TUT4: variants seen among roughly 807,000 people sequenced by gnomAD.
TUT4 encodes the protein terminal uridylyl transferase 4.
A neutral mutation model predicts 192.2 loss-of-function variants in TUT4; 36 were observed. The ratio of observed to expected loss-of-function variants is 0.19; its 90% CI spans 0.14 to 0.25. The LOEUF is 0.25. Ranked by LOEUF, TUT4 falls within the 10% of genes least tolerant of loss-of-function variation. The pLI, the probability that TUT4 is intolerant of heterozygous loss-of-function variation, is 1.00. For missense variants in TUT4, 1,493 were observed against 1,957.2 expected, an observed-to-expected ratio of 0.76 and a Z score of 4.47; for synonymous variants, 618 against 666.0, an observed-to-expected ratio of 0.93 and a Z score of 1.11.
In TUT4 at chr1:52,443,396, G is replaced by A. The variant is rs1158924016; in HGVS notation, c.3822+2391C>T. On this transcript the variant is annotated intron_variant, in intron 24 of 29. Transcript: ENST00000257177. Reference sequence around the variant, plus strand: ...CTGATTGGGAGTTCAACACCAACCTGACCAGCATGGTGAAACCCCGTCTCT... The same window carrying A: ...CTGATTGGGAGTTCAACACCAACCTAACCAGCATGGTGAAACCCCGTCTCT... Among the ~76,000 whole-genome samples, 4 of 151,558 alleles carry A rather than the reference G, an allele frequency of 2.6e-5. No individual in the cohort carries two copies. The East Asian group carries it at 7.7e-4, about 29-fold the overall frequency.
chr1:52,495,641 C>CAT, intron 5 of TUT4, 126 bp from the exon 6 acceptor site: 1 of 577,192 alleles, frequency 1.7e-6, no homozygotes, highest in South Asian at 2.7e-5. Context: ...GACAATTATA[C>CAT]AAGAAGAACA....
intron 20 of TUT4, 138 bp downstream of exon 20, chr1:52,458,198 T>C (rs1057134541): frequency 5.4e-6 from 3 of 556,334 alleles, no homozygotes; most frequent in African/African-American, 3.8e-5. Context: ...TGTTTAATTA[T>C]AGCATTAATG....
At chr1:52,497,229 A>G in intron 4 of TUT4, 46 bp from the exon 5 acceptor site, 1 of 1,502,046 alleles carries the variant, frequency 6.7e-7, no homozygotes, top group Non-Finnish European at 8.9e-7. Flanking sequence ...AAAAGTTTCT[A>G]TTTTAATTGT....
intron 28 of TUT4, among the ~76,000 whole-genome samples, chr1:52,427,042 A>C (rs897750608): frequency 1.3e-5 from 2 of 152,162 alleles, no homozygotes; most frequent in Non-Finnish European, 2.9e-5. Flanking sequence ...TTAGATAATA[A>C]TACTATATAA....
In TUT4 at chr1:52,425,477, A is replaced by G. The variant is rs1649551237; in HGVS notation, c.4742T>C (p.Ile1581Thr). 2 of 1,613,924 alleles carry G rather than the reference A, an allele frequency of 1.2e-6. No individual in the cohort carries two copies. The highest frequency in any genetic ancestry group is 1.7e-6 in the Non-Finnish European group (2 of 1,179,896). The change falls in exon 29 of 30, where the codon ATT (isoleucine) becomes ACT (threonine). Residue 1581 changes from isoleucine (I) to threonine (T), a missense_variant. Coordinates refer to ENST00000257177, the MANE Select transcript of TUT4 (RefSeq NM_001009881.3). ...EPGFRGLTPP[I>T]PWEHAPRPHF... ...GGGACGCGGTGCATGTTCCCAAGGA[A>G]TTGGAGGAGTCAGTCCTCGAAAGCC...
At chr1:52,471,135 G>A (rs844332) in intron 14 of TUT4, among the ~76,000 whole-genome samples, 1 of 148,054 alleles carries the variant, frequency 6.8e-6, no homozygotes, top group African/African-American at 2.5e-5. Flanking sequence ...TCCTGCCTCA[G>A]ACTCCCGAGT....
intron 20 of TUT4, among the ~76,000 whole-genome samples, chr1:52,449,803 G>A (rs984460315): frequency 2.0e-5 from 3 of 151,938 alleles, no homozygotes; most frequent in African/African-American, 7.3e-5. Flanking sequence ...GAGATTCCCT[G>A]GCAACCACCA....
chr1:52,536,332 GTTAA>G (rs1684881868), intron 1 of TUT4, among the ~76,000 whole-genome samples: 2 of 152,020 alleles, frequency 1.3e-5, no homozygotes, highest in African/African-American at 4.8e-5. Flanking sequence ...AATTTAAGAT[GTTAA>G]TTACATCATT....
intron 24 of TUT4, among the ~76,000 whole-genome samples, chr1:52,442,369 T>C (rs1655913901): frequency 6.6e-6 from 1 of 152,140 alleles, no homozygotes; most frequent in Admixed American, 6.6e-5. Context: ...CTTTCATTAA[T>C]TTAGGGAAAT....
chr1:52,470,627 T>A (rs1408912031), intron 14 of TUT4, among the ~76,000 whole-genome samples: 1 of 150,856 alleles, frequency 6.6e-6, no homozygotes, highest in Non-Finnish European at 1.5e-5. Context: ...GTAATTATAC[T>A]GAGTGAAAAA....
intron 2 of TUT4, among the ~76,000 whole-genome samples, chr1:52,521,538 G>A (rs571257357): frequency 3.3e-5 from 5 of 151,396 alleles, no homozygotes; most frequent in Middle Eastern, 3.5e-3. Context: ...AGTGGTACAC[G>A]CCTGCAGTCC....
rs1267525052 is a variant in TUT4 at position 52,497,197 on chromosome 1, G to C, written c.1000-14C>G. ...TTCTTGTTTTTCCTATTAATGTAATGATTCACAACAATAAAAACAAAAAAA... is the reference window on the plus strand; with the variant it reads ...TTCTTGTTTTTCCTATTAATGTAATCATTCACAACAATAAAAACAAAAAAA... On this transcript the variant is annotated splice_polypyrimidine_tract_variant and intron_variant, in intron 4 of 29. Coordinates refer to ENST00000257177, the MANE Select transcript of TUT4 (RefSeq NM_001009881.3). The C allele has an allele frequency of 1.3e-6, 2 of 1,568,216 alleles. No homozygotes were observed. Among genetic ancestry groups the C allele is most frequent in the Non-Finnish European group, 1.7e-6 (2 of 1,163,612 alleles).
At chr1:52,479,997 GAAA>G (rs375149209) in intron 11 of TUT4, among the ~76,000 whole-genome samples, 1 of 67,206 alleles carries the variant, frequency 1.5e-5, no homozygotes, top group Non-Finnish European at 3.1e-5. Context: ...TCCGTCTCAG[GAAA>G]AAAAAAAAAA....
intron 1 of TUT4, among the ~76,000 whole-genome samples, chr1:52,548,904 A>T (rs1216372364): frequency 6.6e-6 from 1 of 152,238 alleles, no homozygotes; most frequent in African/African-American, 2.4e-5. Flanking sequence ...TTCTAGAGCT[A>T]AACTAGAAAA....
intron 20 of TUT4, among the ~76,000 whole-genome samples, chr1:52,452,741 C>G (rs1486300583): frequency 2.0e-5 from 3 of 152,182 alleles, no homozygotes; most frequent in Non-Finnish European, 4.4e-5. Flanking sequence ...TTTGTAATAT[C>G]CCTTATAATA....
chr1:52,436,251 C>T (rs1404033797), intron 26 of TUT4, among the ~76,000 whole-genome samples: 2 of 152,024 alleles, frequency 1.3e-5, no homozygotes, highest in Non-Finnish European at 2.9e-5. Flanking sequence ...TTTGGGAGGC[C>T]AAGGTGGGTG....
intron 16 of TUT4, chr1:52,463,388 A>AT (rs1408516661): frequency 1.3e-5 from 13 of 996,340 alleles, no homozygotes; most frequent in Non-Finnish European, 1.6e-5. Flanking sequence ...GTTTCTTTAT[A>AT]AAACAAGATG....
rs1661725904 is a variant in TUT4 at position 52,458,993 on chromosome 1, TAATGGAATGGTATGCAA to T, written c.3322-561_3322-545del. On this transcript the variant is annotated intron_variant, in intron 19 of 29. Transcript: ENST00000257177. ...TTAAAATAATTAACGACTATTCACA[TAATGGAATGGTATGCAA>T]CCATTAAAAAAAGAACGAAGTCCCC... Among the ~76,000 whole-genome samples the T allele has an allele frequency of 1.1e-4, 17 of 152,168 alleles. No homozygotes were observed. In the South Asian group the frequency reaches 3.5e-3, roughly 32 times the overall value.
chr1:52,426,257 G>C (rs1234140228), intron 28 of TUT4, among the ~76,000 whole-genome samples: 2 of 150,530 alleles, frequency 1.3e-5, no homozygotes, highest in Non-Finnish European at 2.9e-5. Flanking sequence ...CAGATTATGA[G>C]GTTTAAATTG....
Sources: allele counts gnomAD v4.1 joint callset (sites outside exome capture counted in the v4.1 genomes callset), GRCh38; gene constraint gnomAD v4.1.1; transcripts MANE v1.5; gene names NCBI Gene and HGNC (gene_info 2026-07-23, HGNC 2026-07-21).